Variants in SUGCT observed in about 807,000 individuals in gnomAD.
SUGCT encodes succinyl-CoA:glutarate CoA-transferase.
A neutral mutation model predicts 55.0 loss-of-function variants in SUGCT; 41 were observed. That is an observed-to-expected ratio of 0.74 (90% CI 0.58 to 0.97). SUGCT has a LOEUF of 0.97. SUGCT is among the 50% of genes least tolerant of loss of function. SUGCT has a pLI of 0.00. For missense variants in SUGCT, 568 were observed against 547.8 expected (o/e 1.04, Z -0.37); for synonymous variants, 187 against 200.4 (o/e 0.93, Z 0.56).
chr7:40,966,881 G>C, the SUGCT span: 2 of 152,222 alleles, frequency 1.3e-5, no homozygotes, highest in Non-Finnish European at 2.9e-5. Context: ...AAGAAACAGA[G>C]AAAAGGAAAT....
intron 9 of SUGCT, among the ~76,000 whole-genome samples, chr7:40,370,944 T>C (rs767265351): frequency 5.9e-5 from 9 of 152,134 alleles, no homozygotes; most frequent in Non-Finnish European, 1.0e-4. Flanking sequence ...TAACTCTCAG[T>C]ACTGTTGTAC....
At chr7:40,352,207 T>A (rs969585956) in intron 9 of SUGCT, among the ~76,000 whole-genome samples, 10 of 152,222 alleles carry the variant, frequency 6.6e-5, no homozygotes, top group African/African-American at 2.4e-4. Context: ...GAAGAAATAA[T>A]AGAGATCCAT....
intron 9 of SUGCT, among the ~76,000 whole-genome samples, chr7:40,432,819 A>T (rs1227791430): frequency 1.3e-5 from 2 of 151,670 alleles, no homozygotes; most frequent in Non-Finnish European, 2.9e-5. Flanking sequence ...GGCTTCTTGA[A>T]TCTGGATGTC....
intron 12 of SUGCT, among the ~76,000 whole-genome samples, chr7:40,727,854 A>T (rs1786684123): frequency 6.6e-6 from 1 of 152,154 alleles, no homozygotes; most frequent in African/African-American, 2.4e-5. Flanking sequence ...ATAAAATTAC[A>T]TTATGCATTT....
At chr7:40,245,452 TTTTTTG>T (rs1789798611) in intron 7 of SUGCT, among the ~76,000 whole-genome samples, 3 of 98,244 alleles carry the variant, frequency 3.1e-5, no homozygotes, top group African/African-American at 9.1e-5. Flanking sequence ...TTTTTTTTTT[TTTTTTG>T]AGATGGAGTC....
intron 11 of SUGCT, among the ~76,000 whole-genome samples, chr7:40,485,417 CTTTTTT>C (rs397889166): frequency 5.4e-5 from 4 of 74,448 alleles, no homozygotes; most frequent in Non-Finnish European, 9.8e-5. Flanking sequence ...TATATACATT[CTTTTTT>C]TTTTTTTTTT....
chr7:40,604,992 C>T (rs900412445), intron 12 of SUGCT, among the ~76,000 whole-genome samples: 6 of 152,188 alleles, frequency 3.9e-5, no homozygotes, highest in East Asian at 1.9e-4. Flanking sequence ...CTTTGATGGC[C>T]GGCGTTGCAC....
At chr7:40,385,745 G>A (rs1785088533) in intron 9 of SUGCT, among the ~76,000 whole-genome samples, 2 of 151,986 alleles carry the variant, frequency 1.3e-5, no homozygotes, top group African/African-American at 2.4e-5. Context: ...ATCTGTTTTT[G>A]TACTAAAGTT....
At chr7:40,252,004 T>C (rs1235972073) in intron 7 of SUGCT, among the ~76,000 whole-genome samples, 1 of 152,144 alleles carries the variant, frequency 6.6e-6, no homozygotes, top group Non-Finnish European at 1.5e-5. Flanking sequence ...AATTCTGCCT[T>C]AATGTGTTTG....
chr7:40,965,412 T>C, the SUGCT span: 2 of 152,218 alleles, frequency 1.3e-5, no homozygotes, highest in Non-Finnish European at 2.9e-5. Context: ...CTTTATTCAT[T>C]AATTCATTTG....
intron 12 of SUGCT, among the ~76,000 whole-genome samples, chr7:40,610,112 C>T (rs1584120511): frequency 1.3e-5 from 2 of 152,148 alleles, no homozygotes; most frequent in East Asian, 1.9e-4. Flanking sequence ...AGTATTGTCT[C>T]GTCTGCAGGA....
chr7:40,385,717 T>A (rs1183211603), intron 9 of SUGCT, among the ~76,000 whole-genome samples: 2 of 14,490 alleles, frequency 1.4e-4, no homozygotes, highest in Non-Finnish European at 0.011. Context: ...CATAGATGTG[T>A]TTCATTCCTT....
In SUGCT at chr7:40,647,822, GA is replaced by G. The variant is rs761976770; in HGVS notation, c.1090-101598del. Among the ~76,000 whole-genome samples, 140 of 131,428 alleles carry G rather than the reference GA, an allele frequency of 1.1e-3. 1 individual carries two copies. In the East Asian group the frequency reaches 0.012, roughly 11 times the overall value. 86.2% of individuals were successfully genotyped at this position (131,428 alleles called of 152,430 possible). A position where few individuals can be genotyped will look rare whatever the true frequency, so the allele number is the denominator to read the frequency against. On this transcript the variant is annotated intron_variant, in intron 12 of 13. Coordinates refer to ENST00000335693, the MANE Select transcript of SUGCT (RefSeq NM_001193313.2). ...GCAGAGATTGAGCCACTGCACTCCA[GA>G]AAAAAAAAAAAAAGTTAGACCACTT...
At chr7:40,580,434 A>G (rs1797021576) in intron 12 of SUGCT, among the ~76,000 whole-genome samples, 1 of 152,228 alleles carries the variant, frequency 6.6e-6, no homozygotes, top group Admixed American at 6.5e-5. Context: ...GAAGACTTGT[A>G]GCTTGCTTAG....
chr7:40,957,266 G>T, the SUGCT span, among the ~76,000 whole-genome samples: 1 of 152,046 alleles, frequency 6.6e-6, no homozygotes, highest in Admixed American at 6.6e-5. Context: ...CTCTTTGTAG[G>T]TCTCTAAGAA....
chr7:40,477,280 T>C (rs1276524958), intron 11 of SUGCT, among the ~76,000 whole-genome samples: 4 of 152,092 alleles, frequency 2.6e-5, no homozygotes, highest in African/African-American at 9.7e-5. Flanking sequence ...AAATGAATAA[T>C]TTAAAGGAAA....
At chr7:40,381,177 T>C (rs1283444435) in intron 9 of SUGCT, among the ~76,000 whole-genome samples, 2 of 152,114 alleles carry the variant, frequency 1.3e-5, no homozygotes, top group Non-Finnish European at 2.9e-5. Flanking sequence ...ATTCTCATAG[T>C]AGTGTTATGG....
intron 5 of SUGCT, among the ~76,000 whole-genome samples, chr7:40,191,163 T>G (rs575665781): frequency 6.6e-6 from 1 of 152,216 alleles, no homozygotes; most frequent in East Asian, 1.9e-4. Context: ...TCCACAGGTA[T>G]GTGCCACCAT....
chr7:40,209,414 C>T (rs1787199406), intron 6 of SUGCT, among the ~76,000 whole-genome samples: 1 of 152,180 alleles, frequency 6.6e-6, no homozygotes, highest in South Asian at 2.1e-4. Flanking sequence ...AGGAGAACTG[C>T]TTGAACCGGG....
Sources: allele counts gnomAD v4.1 joint callset (sites outside exome capture counted in the v4.1 genomes callset), GRCh38; gene constraint gnomAD v4.1.1; transcripts MANE v1.5; gene names NCBI Gene and HGNC (gene_info 2026-07-23, HGNC 2026-07-21).